Variants in RGL1 observed in about 807,000 individuals in gnomAD.
The protein encoded by RGL1 is ral guanine nucleotide dissociation stimulator like 1.
Under a neutral mutation model 95.2 loss-of-function variants are expected in RGL1, and 24 were observed. The observed-to-expected ratio is 0.25, with a 90% CI of 0.18 to 0.35. The LOEUF is 0.35. RGL1 is among the 10% of genes least tolerant of loss of function. RGL1 has a pLI of 1.00. For missense variants in RGL1, 715 were observed against 936.3 expected (o/e 0.76, Z 3.08); for synonymous variants, 329 against 344.9 (o/e 0.95, Z 0.51).
At chr1:183,705,325 G>T (rs1654841250) in intron 1 of RGL1, among the ~76,000 whole-genome samples, 1 of 151,952 alleles carries the variant, frequency 6.6e-6, no homozygotes, top group Non-Finnish European at 1.5e-5. Context: ...TGACTGGGGG[G>T]GTGCTTATTT....
chr1:183,782,996 G>A (rs1659981268), intron 2 of RGL1, among the ~76,000 whole-genome samples: 1 of 152,066 alleles, frequency 6.6e-6, no homozygotes, highest in Non-Finnish European at 1.5e-5. Flanking sequence ...TTTTCCACTG[G>A]TACTGAATTT....
At chr1:183,656,426 A>G (rs1651168976) in intron 1 of RGL1, among the ~76,000 whole-genome samples, 1 of 152,204 alleles carries the variant, frequency 6.6e-6, no homozygotes, top group Non-Finnish European at 1.5e-5. Flanking sequence ...TACTCAGCGA[A>G]TTGTAACCTA....
At chr1:183,776,338 C>T (rs935049097) in intron 2 of RGL1, among the ~76,000 whole-genome samples, 3 of 151,300 alleles carry the variant, frequency 2.0e-5, no homozygotes, top group Non-Finnish European at 3.0e-5. Flanking sequence ...TTAGTAGAGA[C>T]GGGGTTTCAC....
intron 2 of RGL1, among the ~76,000 whole-genome samples, chr1:183,762,791 G>T (rs979204774): frequency 6.6e-6 from 1 of 152,172 alleles, no homozygotes; most frequent in Non-Finnish European, 1.5e-5. Context: ...CACTGTTGGT[G>T]GGAGTGTAAA....
At chr1:183,798,573 C>T (rs1323859462) in intron 2 of RGL1, among the ~76,000 whole-genome samples, 1 of 151,948 alleles carries the variant, frequency 6.6e-6, no homozygotes, top group Admixed American at 6.6e-5. Context: ...ATAAGATCTA[C>T]CCTCTCAGAA....
At chr1:183,916,743 A>G (rs1318371539) in intron 16 of RGL1, 42 bp downstream of exon 16, 1 of 1,593,346 alleles carries the variant, frequency 6.3e-7, no homozygotes. Flanking sequence ...TTCCATTTAG[A>G]TTGTGTGTCT....
intron 2 of RGL1, among the ~76,000 whole-genome samples, chr1:183,823,645 C>G (rs933826934): frequency 6.6e-6 from 1 of 152,180 alleles, no homozygotes; most frequent in Admixed American, 6.5e-5. Flanking sequence ...TACAATTATT[C>G]AACTTACGGA....
At chr1:183,740,779 G>A (rs1657244827) in intron 1 of RGL1, among the ~76,000 whole-genome samples, 1 of 152,124 alleles carries the variant, frequency 6.6e-6, no homozygotes, top group African/African-American at 2.4e-5. Flanking sequence ...GAATATATAA[G>A]ATCTGCTGCC....
intron 2 of RGL1, among the ~76,000 whole-genome samples, chr1:183,834,762 C>G (rs1663518724): frequency 6.6e-6 from 1 of 152,124 alleles, no homozygotes; most frequent in African/African-American, 2.4e-5. Flanking sequence ...AATCATAGCT[C>G]ATTGTAGCCT....
chr1:183,693,118 C>A (rs1270257950), intron 1 of RGL1, among the ~76,000 whole-genome samples: 1 of 152,060 alleles, frequency 6.6e-6, no homozygotes, highest in Non-Finnish European at 1.5e-5. Context: ...CCACACCCGG[C>A]TAATTTTTTG....
rs543967643 is a variant in RGL1 at position 183,771,058 on chromosome 1, C to T, written c.132+28769C>T. Among the ~76,000 whole-genome samples, 7 of 152,216 alleles carry T rather than the reference C, an allele frequency of 4.6e-5. No homozygotes were observed. The East Asian group carries it at 1.2e-3, about 25-fold the overall frequency. ...TATAAACCTTACCTTATCCTGGCTG[C>T]TCAGCTGATGGTTATTTGAATGGGA... On this transcript the variant is annotated intron_variant, in intron 2 of 18. Transcript: ENST00000304685.
At chr1:183,874,538 C>T (rs1666374075) in intron 4 of RGL1, among the ~76,000 whole-genome samples, 1 of 151,828 alleles carries the variant, frequency 6.6e-6, no homozygotes, top group Admixed American at 6.6e-5. Context: ...TCTCCCTTCC[C>T]CATAGTCCCT....
In RGL1 at chr1:183,880,574, A is replaced by G. The variant is rs760153523; in HGVS notation, c.426-42A>G. On this transcript the variant is annotated intron_variant, in intron 4 of 17. Transcript: ENST00000360851. ...TGTCCAGGGATTGCTTTGCCTCCCC[A>G]CAGCCAGTTGGGTGCAGTGACTCTC... 3.8e-6 allele frequency: 6 copies of G among 1,599,706 alleles called. No homozygotes were observed. In the East Asian group the frequency reaches 1.1e-4, roughly 30 times the overall value.
chr1:183,781,558 A>G lies in RGL1; in HGVS notation c.133-24817A>G, dbSNP rs530375671. 1.9e-3 allele frequency among the ~76,000 whole-genome samples: 285 copies of G among 152,352 alleles called. 1 individual carries two copies. Among genetic ancestry groups the G allele is most frequent in the African/African-American group, 5.9e-3 (244 of 41,582 alleles). The stretch of plus-strand genomic sequence containing the variant: ...TCCACCCCATCTGATCCATTTACTG[A>G]AAGTTAACCACTGTTAACCATTTCT... On this transcript the variant is annotated intron_variant, in intron 2 of 18. Transcript: ENST00000304685.
intron 1 of RGL1, among the ~76,000 whole-genome samples, chr1:183,700,595 G>A (rs1288782982): frequency 6.6e-6 from 1 of 151,290 alleles, no homozygotes; most frequent in Non-Finnish European, 1.5e-5. Flanking sequence ...ACCCATGCTG[G>A]AGTGCAGTGG....
At chr1:183,877,440 TG>T (rs1307037969) in intron 4 of RGL1, among the ~76,000 whole-genome samples, 1 of 152,258 alleles carries the variant, frequency 6.6e-6, no homozygotes, top group Non-Finnish European at 1.5e-5. Context: ...CATTTGTATC[TG>T]CTTCTAAATC....
At chr1:183,916,987 A>G (rs1045854466) in intron 16 of RGL1, among the ~76,000 whole-genome samples, 2 of 152,212 alleles carry the variant, frequency 1.3e-5, no homozygotes, top group Non-Finnish European at 2.9e-5. Context: ...TTAGGTCAGT[A>G]TTAGCCATTT....
intron 1 of RGL1, among the ~76,000 whole-genome samples, chr1:183,660,351 G>C (rs925324515): frequency 6.6e-6 from 1 of 151,836 alleles, no homozygotes; most frequent in Non-Finnish European, 1.5e-5. Context: ...CAAAATAAAG[G>C]GATGGAGAAA....
chr1:183,693,796 G>A (rs1286725905), intron 1 of RGL1, among the ~76,000 whole-genome samples: 1 of 152,122 alleles, frequency 6.6e-6, no homozygotes, highest in Non-Finnish European at 1.5e-5. Context: ...CTGGAGCTGA[G>A]CACCTGCTTT....
Sources: allele counts gnomAD v4.1 joint callset (sites outside exome capture counted in the v4.1 genomes callset), GRCh38; gene constraint gnomAD v4.1.1; transcripts MANE v1.5; gene names NCBI Gene and HGNC (gene_info 2026-07-23, HGNC 2026-07-21).